The following MLF1 variants were observed in gnomAD, a reference collection of about 807,000 sequenced individuals.
MLF1 encodes myelodysplasia-myeloid leukemia factor 1.
A neutral mutation model predicts 38.3 loss-of-function variants in MLF1; 37 were observed. That is an observed-to-expected ratio of 0.96 (90% CI 0.74 to 1.27). The LOEUF (loss-of-function observed/expected upper bound fraction) is 1.27. Among genes scored for constraint, MLF1 ranks in the 50% most tolerant of loss-of-function variants. The probability of loss-of-function intolerance (pLI) is 0.00; values close to 1 mark genes in which losing one functional copy is unlikely to be tolerated. For synonymous variants in MLF1, 95 were observed against 106.5 expected, an observed-to-expected ratio of 0.89 and a Z score of 0.66; for missense variants, 331 against 349.2, an observed-to-expected ratio of 0.95 and a Z score of 0.42.
intron 1 of MLF1, among the ~76,000 whole-genome samples, chr3:158,571,993 G>T: frequency 3.6e-5 from 1 of 27,774 alleles, no homozygotes; most frequent in Non-Finnish European, 7.1e-5. Context: ...AGGGTTTGGG[G>T]GAGTAAGGTG....
intron 1 of MLF1, among the ~76,000 whole-genome samples, chr3:158,577,254 T>A (rs952962523): frequency 8.5e-5 from 13 of 152,216 alleles, no homozygotes; most frequent in African/African-American, 3.1e-4. Context: ...AAGATGTGGG[T>A]TAACTTTTTT....
intron 1 of MLF1, among the ~76,000 whole-genome samples, chr3:158,576,671 A>ATTTT (rs11341425): frequency 1.5e-5 from 2 of 132,724 alleles, no homozygotes; most frequent in East Asian, 2.2e-4. Flanking sequence ...GTCAACCTTA[A>ATTTT]TTTTTTTTTT....
intron 6 of MLF1, among the ~76,000 whole-genome samples, chr3:158,600,518 A>G (rs1418465330): frequency 6.8e-6 from 1 of 147,382 alleles, no homozygotes; most frequent in Non-Finnish European, 1.5e-5. Flanking sequence ...AAAATAATCC[A>G]TAATCCAAAC....
intron 3 of MLF1, among the ~76,000 whole-genome samples, chr3:158,593,736 A>G (rs769535494): frequency 6.6e-6 from 1 of 152,248 alleles, no homozygotes; most frequent in Non-Finnish European, 1.5e-5. Context: ...GGACTTCCAC[A>G]TGCTTATGAT....
At chr3:158,585,041 A>AC (rs911374764) in intron 1 of MLF1, among the ~76,000 whole-genome samples, 1 of 144,752 alleles carries the variant, frequency 6.9e-6, no homozygotes, top group Non-Finnish European at 1.5e-5. Flanking sequence ...CTGTCTGAAA[A>AC]AAAAAAAAAA....
intron 1 of MLF1, among the ~76,000 whole-genome samples, chr3:158,583,342 G>C (rs1173681212): frequency 6.6e-6 from 1 of 152,094 alleles, no homozygotes; most frequent in African/African-American, 2.4e-5. Flanking sequence ...GGAGAGAAGA[G>C]GCCTCAAGAG....
rs982395930 is a variant in MLF1, at chr3:158,603,002, T to C, written c.746+63T>C. The C allele has an allele frequency of 3.5e-6, 5 of 1,438,508 alleles. No homozygotes were observed. In the African/African-American group the frequency reaches 7.1e-5, roughly 21 times the overall value. 89.1% of individuals were successfully genotyped at this position (1,438,508 alleles called of 1,614,324 possible). A position where few individuals can be genotyped will look rare whatever the true frequency, so the allele number is the denominator to read the frequency against. On this transcript the variant is annotated intron_variant, in intron 7 of 7. Coordinates refer to ENST00000466246, the MANE Select transcript of MLF1 (RefSeq NM_001369783.1). ...AGAATTTGAAGTAAAGTTATGTAATTTACTTCTGTTATCAGAAAGTTTTGA... is the reference window on the plus strand; with the variant it reads ...AGAATTTGAAGTAAAGTTATGTAATCTACTTCTGTTATCAGAAAGTTTTGA...
At chr3:158,599,969 T>G (rs933330814) in intron 5 of MLF1, 45 bp from the exon 6 acceptor site, 9 of 953,510 alleles carry the variant, frequency 9.4e-6, no homozygotes, top group Non-Finnish European at 1.2e-5. Flanking sequence ...GAGATATACA[T>G]TCTATATATA....
At chr3:158,597,450 T>C (rs2108636416) in intron 4 of MLF1, among the ~76,000 whole-genome samples, 1 of 152,238 alleles carries the variant, frequency 6.6e-6, no homozygotes, top group Middle Eastern at 3.4e-3. Flanking sequence ...AATGTTTAGG[T>C]ATAGTTCCCT....
intron 7 of MLF1, among the ~76,000 whole-genome samples, chr3:158,603,723 C>A (rs1302272810): frequency 1.3e-5 from 2 of 152,120 alleles, no homozygotes; most frequent in Non-Finnish European, 2.9e-5. Context: ...CCTGTAATCC[C>A]AGCTACTTGG....
At chr3:158,582,936 TAAAC>T in intron 1 of MLF1, 1 of 676,840 alleles carries the variant, frequency 1.5e-6, no homozygotes, top group Non-Finnish European at 2.7e-6. Context: ...TAAGGTAAAA[TAAAC>T]ACATTTATTT....
chr3:158,593,389 G>C lies in MLF1; in HGVS notation c.203G>C (p.Ser68Thr), dbSNP rs745729301. The C allele has an allele frequency of 6.4e-7, 1 of 1,556,850 alleles. No homozygotes were observed. Among genetic ancestry groups the C allele is most frequent in the South Asian group, 1.2e-5 (1 of 84,670 alleles). ...TGGATATTATTTTTCCAGGCAACGA[G>C]TTGTTCTCTTGTGCCTTTTGGCGAT... The part of the protein sequence containing the change: ...NDGEDSLTAT[S>T]CSLVPFGDFG... Residue 68 changes from serine to threonine, a missense_variant, in exon 3 of 8, where the codon AGT becomes ACT. Ser to Thr is a moderately conservative substitution (Grantham distance 58). Coordinates refer to ENST00000466246, the MANE Select transcript of MLF1 (RefSeq NM_001369783.1).
chr3:158,594,642 A>G (rs559533649), intron 3 of MLF1, among the ~76,000 whole-genome samples: 2 of 152,312 alleles, frequency 1.3e-5, no homozygotes, highest in Admixed American at 1.3e-4. Flanking sequence ...TACTTCTACT[A>G]GGTAATGTCT....
At chr3:158,592,242 G>T (rs1044930054) in intron 1 of MLF1, among the ~76,000 whole-genome samples, 192 bp from the exon 2 acceptor site, 2 of 152,134 alleles carry the variant, frequency 1.3e-5, no homozygotes, top group African/African-American at 4.8e-5. Flanking sequence ...ACCATTGTAA[G>T]TAGGGAACCA....
rs769923858 is a variant in MLF1, at chr3:158,571,365, G to A, written c.47+18G>A. 151 of 1,613,000 alleles carry A rather than the reference G, an allele frequency of 9.4e-5. No individual in the cohort carries two copies. Among genetic ancestry groups the A allele is most frequent in the Non-Finnish European group, 1.3e-4 (150 of 1,179,922 alleles). On this transcript the variant is annotated intron_variant, in intron 1 of 7. Transcript: ENST00000466246. ...TTCTTCTCGTGAGTTACGGGAGCCA[G>A]GAGTCCGGGGTCGCGCGGGAATTAA...
chr3:158,573,063 G>C (rs1020465551), intron 1 of MLF1, among the ~76,000 whole-genome samples: 3 of 151,600 alleles, frequency 2.0e-5, no homozygotes, highest in African/African-American at 7.3e-5. Context: ...TCACATAATT[G>C]CAAATGGGAG....
chr3:158,598,236 T>G, intron 5 of MLF1, 28 bp downstream of exon 5: 1 of 1,602,796 alleles, frequency 6.2e-7, no homozygotes, highest in East Asian at 2.2e-5. Context: ...ATTCCTAAAG[T>G]TTTATAAAGT....
At chr3:158,595,004 C>A (rs891594521) in intron 3 of MLF1, among the ~76,000 whole-genome samples, 1 of 151,982 alleles carries the variant, frequency 6.6e-6, no homozygotes, top group Non-Finnish European at 1.5e-5. Context: ...TTTATTAAAC[C>A]CTCTTAAGTG....
At chr3:158,588,132 G>A (rs1272862111) in intron 1 of MLF1, among the ~76,000 whole-genome samples, 2 of 152,188 alleles carry the variant, frequency 1.3e-5, no homozygotes, top group African/African-American at 4.8e-5. Flanking sequence ...ACCTGAATGA[G>A]CTTAGAAGCA....
Sources: gnomAD v4.1 joint callset for allele counts (sites outside exome capture counted in the v4.1 genomes callset) on GRCh38, gnomAD v4.1.1 for gene constraint, MANE v1.5 for transcripts, NCBI Gene and HGNC (gene_info 2026-07-23, HGNC 2026-07-21) for gene names.